The following SORL1 variants were observed in gnomAD, a reference collection of about 807,000 sequenced individuals.
SORL1 encodes sortilin-related receptor.
A neutral mutation model predicts 273.7 loss-of-function variants in SORL1; 127 were observed. The observed-to-expected ratio is 0.46, with a 90% CI of 0.40 to 0.54. The LOEUF (loss-of-function observed/expected upper bound fraction) is 0.54. Among genes scored for constraint, SORL1 ranks in the 20% least tolerant of loss-of-function variants. The pLI is 0.00. For synonymous variants in SORL1, 1,031 were observed against 1,067.4 expected (o/e 0.97, Z 0.66); for missense variants, 2,494 against 2,846.1 (o/e 0.88, Z 2.81).
chr11:121,605,575 A>G lies in SORL1; in HGVS notation c.4948+4A>G. On this transcript the variant is annotated splice_donor_region_variant and intron_variant, in intron 35 of 47. Coordinates refer to ENST00000260197, the MANE Select transcript of SORL1 (RefSeq NM_003105.6). ...ACCCTGAGGACCCCAGAGGGATGTA[A>G]GTGTTTCAGTTAATTTTTATGGCAT... is the stretch of plus-strand genomic sequence containing the variant. 1.2e-6 allele frequency: 2 copies of G among 1,608,896 alleles called. No homozygotes were observed. Among genetic ancestry groups the G allele is most frequent in the Non-Finnish European group, 1.7e-6 (2 of 1,175,898 alleles).
At chr11:121,605,628 A>C in intron 35 of SORL1, 57 bp downstream of exon 35, 2 of 1,429,716 alleles carry the variant, frequency 1.4e-6, no homozygotes, top group Non-Finnish European at 2.0e-6. Flanking sequence ...GGGGTTTGTG[A>C]GGGTCTTTCT....
intron 9 of SORL1, among the ~76,000 whole-genome samples, chr11:121,522,062 G>A (rs893147190): frequency 6.6e-6 from 1 of 152,166 alleles, no homozygotes; most frequent in African/African-American, 2.4e-5. Flanking sequence ...AAATACATAG[G>A]AAAAAATTTA....
chr11:121,619,903 C>T lies in SORL1; in HGVS notation c.5875C>T (p.Pro1959Ser). 1.2e-6 allele frequency: 2 copies of T among 1,613,848 alleles called. No homozygotes were observed. The highest frequency in any genetic ancestry group is 1.3e-5 in the African/African-American group (1 of 75,032). The stretch of plus-strand genomic sequence containing the variant: ...CAAGTGGGAATCACCGTATGACTCT[C>T]CTGACCAGGACTTGGTGAGTGGGTT... Reference protein sequence around the residue: ...VIKWESPYDSPDQDLLYAVAV... With the variant: ...VIKWESPYDSSDQDLLYAVAV... The change falls in exon 43 of 48, where the codon CCT (proline) becomes TCT (serine). Residue 1959 changes from proline to serine, a missense_variant. Pro to Ser is a moderately conservative substitution (Grantham distance 74). Transcript: ENST00000260197.
intron 16 of SORL1, among the ~76,000 whole-genome samples, chr11:121,551,701 C>T (rs1168390557): frequency 6.6e-6 from 1 of 152,180 alleles, no homozygotes; most frequent in African/African-American, 2.4e-5. Context: ...TCTCCACAGG[C>T]AGGGCAGGGC....
intron 3 of SORL1, among the ~76,000 whole-genome samples, chr11:121,482,778 A>G (rs1591558472): frequency 1.3e-5 from 2 of 152,238 alleles, no homozygotes; most frequent in South Asian, 4.1e-4. Context: ...CTGCTTGGAA[A>G]GGTTAAGATG....
At chr11:121,537,190 A>C (rs1862279357) in intron 12 of SORL1, among the ~76,000 whole-genome samples, 1 of 152,230 alleles carries the variant, frequency 6.6e-6, no homozygotes, top group East Asian at 1.9e-4. Context: ...GAAGGTATCT[A>C]TGTAGAGGCC....
chr11:121,600,978 G>T (rs1247388854), intron 32 of SORL1, among the ~76,000 whole-genome samples: 1 of 151,680 alleles, frequency 6.6e-6, no homozygotes, highest in Non-Finnish European at 1.5e-5. Flanking sequence ...CATGTGCCAT[G>T]CTAGTGTGCT....
chr11:121,481,897 C>G (rs913408428), intron 3 of SORL1, among the ~76,000 whole-genome samples: 41 of 148,294 alleles, frequency 2.8e-4, no homozygotes, highest in African/African-American at 9.7e-4. Flanking sequence ...TCCTCCTCCC[C>G]AGCTCCTCCC....
intron 1 of SORL1, among the ~76,000 whole-genome samples, chr11:121,460,870 A>C (rs1357048393): frequency 4.6e-5 from 7 of 152,146 alleles, no homozygotes; most frequent in African/African-American, 1.7e-4. Flanking sequence ...TTAAGGTCCC[A>C]GATAGTTAAG....
In SORL1 at chr11:121,570,254, C is replaced by T. The variant is rs377519209; in HGVS notation, c.3321C>T (p.Ser1107=). ...TTGACAACGACTGTGGAGACATGAGCGATGAGAGAAACTGCCGTGAGTCTT... is the reference window on the plus strand; with the variant it reads ...TTGACAACGACTGTGGAGACATGAGTGATGAGAGAAACTGCCGTGAGTCTT... ...CDFDNDCGDM[S]DERNCPTTIC... is the part of the protein sequence containing the mutation. Residue 1107 remains serine, a synonymous_variant, in exon 23 of 48, where the codon AGC becomes AGT. Coordinates refer to ENST00000260197, the MANE Select transcript of SORL1 (RefSeq NM_003105.6). 2.4e-5 allele frequency: 39 copies of T among 1,612,100 alleles called. No individual in the cohort carries two copies. Among genetic ancestry groups the T allele is most frequent in the Admixed American group, 1.5e-4 (9 of 59,988 alleles).
chr11:121,599,121 G>A (rs940189059), intron 32 of SORL1, among the ~76,000 whole-genome samples: 1 of 152,158 alleles, frequency 6.6e-6, no homozygotes, highest in African/African-American at 2.4e-5. Flanking sequence ...CCATTTTGGG[G>A]TTGGATTTCT....
rs143381945 is a variant in SORL1, at chr11:121,521,989, A to T, written c.1405-597A>T. On this transcript the variant is annotated intron_variant, in intron 9 of 47. Coordinates refer to ENST00000260197, the MANE Select transcript of SORL1 (RefSeq NM_003105.6). ...AGCTATGAAAATCTGGACATGAGTG[A>T]TGGAGGCCAGACTGAATCGCTTGAA... Among the ~76,000 whole-genome samples, 17 of 152,332 alleles carry T rather than the reference A, an allele frequency of 1.1e-4. No homozygotes were observed. In the East Asian group the frequency reaches 3.3e-3, roughly 29 times the overall value.
At chr11:121,495,729 CT>C (rs914082038) in intron 5 of SORL1, among the ~76,000 whole-genome samples, 2 of 152,126 alleles carry the variant, frequency 1.3e-5, no homozygotes, top group Non-Finnish European at 2.9e-5. Context: ...TGTGGGGATT[CT>C]TGGGGGATCA....
Position 121,550,226 on chromosome 11 carries a change from C to A in SORL1, c.2180+138C>A. The A allele has an allele frequency of 1.2e-6, 1 of 864,256 alleles. No individual in the cohort carries two copies. The highest frequency in any genetic ancestry group is 1.7e-6 in the Non-Finnish European group (1 of 579,788). The allele number at this position is 864,256 out of a possible 1,614,324, so 53.5% of individuals were successfully genotyped here. A position where few individuals can be genotyped will look rare whatever the true frequency, so the allele number is the denominator to read the frequency against. On this transcript the variant is annotated intron_variant, in intron 15 of 47. Transcript: ENST00000260197. This position sits in a 1 kb window ranked among gnomAD's most constrained non-coding sequence, Gnocchi z 5.3. ...AACAGCCTGCAAGTAGTTTGGGCAA[C>A]ATTATAAATTATGGTATTTGTAAAC...
At chr11:121,489,952 T>C in intron 4 of SORL1, 91 bp from the exon 5 acceptor site, 1 of 926,586 alleles carries the variant, frequency 1.1e-6, no homozygotes, top group Non-Finnish European at 1.8e-6. Flanking sequence ...CAGCGTGTCA[T>C]GGAAGGTGGG....
chr11:121,623,220 G>A (rs996423028), intron 45 of SORL1, among the ~76,000 whole-genome samples: 5 of 152,218 alleles, frequency 3.3e-5, no homozygotes, highest in Non-Finnish European at 5.9e-5. Context: ...CAACCTCACC[G>A]GTAATCTAAA....
chr11:121,465,940 C>G (rs556203426), intron 1 of SORL1, among the ~76,000 whole-genome samples: 1 of 152,208 alleles, frequency 6.6e-6, no homozygotes, highest in East Asian at 1.9e-4. Flanking sequence ...GGCATGGGAC[C>G]CCCCTAGGCC....
chr11:121,479,961 C>CT (rs1056117034), intron 3 of SORL1, among the ~76,000 whole-genome samples: 1 of 152,180 alleles, frequency 6.6e-6, no homozygotes, highest in African/African-American at 2.4e-5. Flanking sequence ...CTTTGTGCCC[C>CT]TTTGCCCCAC....
At position 121,611,064 on chromosome 11, in the gene SORL1, T is replaced by G. The variant is rs775131910; in HGVS notation, c.5240-12T>G. 5 of 1,605,062 alleles carry G rather than the reference T, an allele frequency of 3.1e-6. No individual in the cohort carries two copies. Among genetic ancestry groups the G allele is most frequent in the Non-Finnish European group, 4.3e-6 (5 of 1,171,950 alleles). The stretch of plus-strand genomic sequence containing the variant: ...ACGTGGCTTCTGTTTTTGAATTCCT[T>G]TTTGTTTTCAGTGATCCCACCACCA... On this transcript the variant is annotated splice_polypyrimidine_tract_variant and intron_variant, in intron 38 of 47. Coordinates refer to ENST00000260197, the MANE Select transcript of SORL1 (RefSeq NM_003105.6).
Sources: gnomAD v4.1 joint callset for allele counts (sites outside exome capture counted in the v4.1 genomes callset) on GRCh38, gnomAD v4.1.1 for gene constraint, Gnocchi (gnomAD v3.1) non-coding constraint, MANE v1.5 for transcripts, NCBI Gene and HGNC (gene_info 2026-07-23, HGNC 2026-07-21) for gene names.